Variants in RAD23B observed in about 807,000 individuals in gnomAD.
The protein encoded by RAD23B is RAD23 nucleotide excision repair protein B.
Under a neutral mutation model 49.1 loss-of-function variants are expected in RAD23B, and 5 were observed. The ratio of observed to expected loss-of-function variants is 0.10; its 90% CI spans 0.05 to 0.21. The LOEUF is 0.21. RAD23B is among the 10% of genes least tolerant of loss of function. The pLI is 1.00. For synonymous variants in RAD23B, 184 were observed against 165.4 expected (o/e 1.11, Z -0.86); for missense variants, 356 against 486.7 (o/e 0.73, Z 2.53).
At chr9:107,310,716 AT>A (rs1826873159) in intron 4 of RAD23B, among the ~76,000 whole-genome samples, 1 of 152,218 alleles carries the variant, frequency 6.6e-6, no homozygotes, top group Non-Finnish European at 1.5e-5. Flanking sequence ...TAATCATAGT[AT>A]TCTTATTGGG....
chr9:107,293,686 A>G (rs11573633), intron 1 of RAD23B, among the ~76,000 whole-genome samples: 3,105 of 152,360 alleles, frequency 0.02, 93 homozygotes, highest in African/African-American at 0.068. Flanking sequence ...GTGCTGTGTA[A>G]GAAGATTGAC....
At chr9:107,291,446 C>A (rs775861650) in intron 1 of RAD23B, among the ~76,000 whole-genome samples, 3 of 152,144 alleles carry the variant, frequency 2.0e-5, no homozygotes, top group African/African-American at 7.2e-5. Context: ...CCTTTTGGAT[C>A]ATAACCCCAG....
intron 5 of RAD23B, among the ~76,000 whole-genome samples, chr9:107,315,931 G>A (rs1029469924): frequency 6.6e-6 from 1 of 152,080 alleles, no homozygotes; most frequent in Non-Finnish European, 1.5e-5. Flanking sequence ...GATTTTAGGA[G>A]TCATAGTGTA....
chr9:107,283,689 G>A lies in RAD23B; in HGVS notation c.60G>A (p.Glu20=), dbSNP rs1349341606. 6 of 1,471,030 alleles carry A rather than the reference G, an allele frequency of 4.1e-6. No homozygotes were observed. Among genetic ancestry groups the A allele is most frequent in the South Asian group, 2.6e-5 (2 of 77,486 alleles). The allele number at this position is 1,471,030 out of a possible 1,614,324, so 91.1% of individuals were successfully genotyped here. ...CCTTCAAGATAGACATTGACCCCGA[G>A]GAGACGGTATGCGCGCGGGCCGGGG... ...QQTFKIDIDP[E]ETVKALKEKI... Residue 20 remains glutamate (E), a synonymous_variant, in exon 1 of 10, where the codon GAG becomes GAA. Coordinates refer to ENST00000358015, the MANE Select transcript of RAD23B (RefSeq NM_002874.5).
Position 107,329,716 on chromosome 9 carries a change from A to G in RAD23B, c.*60A>G. 1.1e-6 allele frequency: 1 copy of G among 937,366 alleles called. No homozygotes were observed. The highest frequency in any genetic ancestry group is 1.5e-6 in the Non-Finnish European group (1 of 651,684). 58.1% of individuals were successfully genotyped at this position (937,366 alleles called of 1,614,324 possible). A position where few individuals can be genotyped will look rare whatever the true frequency, so the allele number is the denominator to read the frequency against. On this transcript the variant is annotated 3_prime_UTR_variant, in exon 10 of 10. Transcript: ENST00000358015. ...TGCATTACACTAACTTGTTCACTGG[A>G]TTGTCTGGGATGACTTGGGCTCATA...
At chr9:107,325,414 C>G (rs1827186462) in intron 9 of RAD23B, among the ~76,000 whole-genome samples, 1 of 148,428 alleles carries the variant, frequency 6.7e-6, no homozygotes, top group Non-Finnish European at 1.5e-5. Flanking sequence ...TCTATAATTT[C>G]TTTCAATAGT....
intron 9 of RAD23B, 31 bp downstream of exon 9, chr9:107,325,035 G>A (rs1221738789): frequency 1.9e-6 from 3 of 1,590,006 alleles, no homozygotes; most frequent in Non-Finnish European, 2.6e-6. Context: ...AAAAAAATTA[G>A]TTCTTGGCTG....
chr9:107,301,888 G>A, intron 2 of RAD23B, 147 bp from the exon 3 acceptor site: 1 of 1,185,056 alleles, frequency 8.4e-7, no homozygotes, highest in Non-Finnish European at 1.1e-6. Context: ...TTTTTCTTTG[G>A]GAAAAGTATT....
At position 107,323,960 on chromosome 9, in the gene RAD23B, T is replaced by G; in HGVS notation, c.888T>G (p.Pro296=). The change falls in exon 8 of 10, where the codon CCT becomes CCG. Residue 296 remains proline, a synonymous_variant. Coordinates refer to ENST00000358015, the MANE Select transcript of RAD23B (RefSeq NM_002874.5). ...TGAGACAAATTATTCAGCAGAATCC[T>G]TCCTTGCTTCCAGCGTTACTACAGC... ...QQMRQIIQQN[P]SLLPALLQQI... 6.2e-7 allele frequency: 1 copy of G among 1,613,020 alleles called. No individual in the cohort carries two copies. The highest frequency in any genetic ancestry group is 8.5e-7 in the Non-Finnish European group (1 of 1,178,960).
rs574578037 is a variant in RAD23B at position 107,314,697 on chromosome 9, G to A, written c.553+2960G>A. On this transcript the variant is annotated intron_variant, in intron 5 of 9. Transcript: ENST00000358015. ...TTTGGGTATATATACATAGTAGTGG[G>A]ATTTCTGGATTAAATGATAGTTCTG... Among the ~76,000 whole-genome samples, 3 of 152,242 alleles carry A rather than the reference G, an allele frequency of 2.0e-5. No individual in the cohort carries two copies. In the East Asian group the frequency reaches 5.8e-4, roughly 29 times the overall value.
chr9:107,291,790 AT>A (rs1833389463), intron 1 of RAD23B, among the ~76,000 whole-genome samples: 1 of 152,206 alleles, frequency 6.6e-6, no homozygotes, highest in Non-Finnish European at 1.5e-5. Flanking sequence ...TTTAGTACAC[AT>A]TTGGCTTTGG....
At chr9:107,308,042 G>A (rs1433913880) in intron 4 of RAD23B, among the ~76,000 whole-genome samples, 2 of 151,990 alleles carry the variant, frequency 1.3e-5, no homozygotes, top group Non-Finnish European at 2.9e-5. Flanking sequence ...GTTTACTAAA[G>A]CACTTAAATA....
intron 2 of RAD23B, among the ~76,000 whole-genome samples, chr9:107,301,696 C>A (rs1201629596): frequency 4.0e-5 from 6 of 151,438 alleles, no homozygotes; most frequent in Admixed American, 3.3e-4. Flanking sequence ...TGCCACAATG[C>A]CTGGCTAATT....
Position 107,300,157 on chromosome 9 carries a change from A to G in RAD23B, c.83A>G (p.Glu28Gly). Reference sequence around the variant, plus strand: ...TTCCTATAGGTGAAAGCACTGAAAGAGAAGATTGAATCTGAAAAGGGGAAA... The same window carrying G: ...TTCCTATAGGTGAAAGCACTGAAAGGGAAGATTGAATCTGAAAAGGGGAAA... ...DPEETVKALK[E>G]KIESEKGKDA... The change falls in exon 2 of 10, where the codon GAG (glutamate) becomes GGG (glycine). Residue 28 changes from glutamate (E) to glycine (G), a missense_variant. By Grantham distance (98) the Glu-to-Gly change is moderately conservative (BLOSUM62 -2). This residue lies in a region of RAD23B where 32 missense variants were observed against 62.3 expected (regional missense o/e 0.51). Coordinates refer to ENST00000358015, the MANE Select transcript of RAD23B (RefSeq NM_002874.5). 3 of 1,609,242 alleles carry G rather than the reference A, an allele frequency of 1.9e-6. No homozygotes were observed. Among genetic ancestry groups the G allele is most frequent in the Non-Finnish European group, 2.5e-6 (3 of 1,177,868 alleles).
chr9:107,284,006 C>T (rs535461387), intron 1 of RAD23B: 30 of 1,089,926 alleles, frequency 2.8e-5, no homozygotes, highest in Admixed American at 1.1e-4. Context: ...ATGGGAAGGT[C>T]CAGGCCGTCT....
At chr9:107,290,585 A>G (rs533951141) in intron 1 of RAD23B, among the ~76,000 whole-genome samples, 1 of 152,332 alleles carries the variant, frequency 6.6e-6, no homozygotes, top group East Asian at 1.9e-4. Context: ...ATACTTTTAA[A>G]AAAGTCTTTC....
At position 107,290,163 on chromosome 9, in the gene RAD23B, C is replaced by T. The variant is rs569042334; in HGVS notation, c.66+6468C>T. Among the ~76,000 whole-genome samples the T allele has an allele frequency of 5.3e-5, 8 of 152,302 alleles. 1 individual carries two copies. The South Asian group carries it at 1.5e-3, about 28-fold the overall frequency. On this transcript the variant is annotated intron_variant, in intron 1 of 9. Transcript: ENST00000358015. ...ATTTGATTGAGAATTTGGAAATAAT[C>T]GAGACAGAATGTCTACAAGGTCCTA... is the stretch of plus-strand genomic sequence containing the variant.
intron 7 of RAD23B, among the ~76,000 whole-genome samples, chr9:107,323,082 T>C (rs747451492): frequency 2.6e-4 from 39 of 152,270 alleles, no homozygotes; most frequent in Non-Finnish European, 3.4e-4. Flanking sequence ...TTCTCTTTTA[T>C]TCATTAGTAA....
intron 1 of RAD23B, among the ~76,000 whole-genome samples, chr9:107,286,990 G>A (rs779723858): frequency 2.0e-5 from 3 of 151,308 alleles, no homozygotes; most frequent in African/African-American, 4.9e-5. Context: ...CAGGAGAATC[G>A]CTTGAACCCA....
Sources: gnomAD v4.1 joint callset for allele counts (sites outside exome capture counted in the v4.1 genomes callset) on GRCh38, gnomAD v4.1.1 for gene constraint, gnomAD v4.1.1 regional missense constraint, MANE v1.5 for transcripts, NCBI Gene and HGNC (gene_info 2026-07-23, HGNC 2026-07-21) for gene names.